Variants in SLC4A5 observed in about 807,000 individuals in gnomAD.
SLC4A5 encodes the protein solute carrier family 4 member 5.
In SLC4A5, 96 loss-of-function variants were observed where a neutral mutation model predicts 120.4. The observed-to-expected ratio is 0.80, with a 90% CI of 0.68 to 0.94. The LOEUF (loss-of-function observed/expected upper bound fraction) is 0.94. SLC4A5 is among the 40% of genes least tolerant of loss of function. The pLI is 0.00. For synonymous variants in SLC4A5, 550 were observed against 571.1 expected (o/e 0.96, Z 0.53); for missense variants, 1,259 against 1,459.5 (o/e 0.86, Z 2.24).
chr2:74,298,151 A>G (rs1203215935), intron 7 of SLC4A5, among the ~76,000 whole-genome samples: 1 of 152,238 alleles, frequency 6.6e-6, no homozygotes, highest in African/African-American at 2.4e-5. Context: ...AATTGAGAAG[A>G]TGTAATTCCA....
chr2:74,274,644 T>C (rs1440934015), intron 8 of SLC4A5, among the ~76,000 whole-genome samples: 1 of 152,162 alleles, frequency 6.6e-6, no homozygotes, highest in Non-Finnish European at 1.5e-5. Context: ...GCTCAGAAAT[T>C]TTATCTTTTT....
chr2:74,227,320 T>A (rs1002549042), intron 26 of SLC4A5, among the ~76,000 whole-genome samples, 190 bp from the exon 27 acceptor site: 2 of 152,138 alleles, frequency 1.3e-5, no homozygotes, highest in Admixed American at 6.5e-5. Flanking sequence ...GAAAGGGTCC[T>A]GAGCCCTGGG....
chr2:74,302,386 G>T (rs1265848892), intron 7 of SLC4A5, among the ~76,000 whole-genome samples: 2 of 152,236 alleles, frequency 1.3e-5, no homozygotes, highest in African/African-American at 4.8e-5. Context: ...GGAGGCTGAA[G>T]CAGGTAGATC....
At chr2:74,275,656 C>T (rs1295137490) in intron 8 of SLC4A5, among the ~76,000 whole-genome samples, 1 of 152,230 alleles carries the variant, frequency 6.6e-6, no homozygotes, top group Non-Finnish European at 1.5e-5. Context: ...TTTCCTCTAA[C>T]TCGCATCACA....
intron 28 of SLC4A5, among the ~76,000 whole-genome samples, chr2:74,224,271 G>T (rs1210357365): frequency 2.0e-5 from 3 of 152,134 alleles, no homozygotes; most frequent in Non-Finnish European, 2.9e-5. Context: ...GAGAAGAGGG[G>T]CAGATGGGGC....
chr2:74,257,903 A>G (rs555481514), intron 12 of SLC4A5, among the ~76,000 whole-genome samples: 2 of 152,288 alleles, frequency 1.3e-5, no homozygotes, highest in South Asian at 4.1e-4. Context: ...AATACAGAAG[A>G]TAAGAGAAAT....
At chr2:74,262,018 T>C (rs1192061163) in intron 11 of SLC4A5, 119 bp downstream of exon 11, 47 of 859,414 alleles carry the variant, frequency 5.5e-5, no homozygotes, top group Non-Finnish European at 7.7e-5. Flanking sequence ...TCCTGATGCA[T>C]GCCCTGAGAA....
At chr2:74,340,516 G>C (rs1673600052) in intron 2 of SLC4A5, among the ~76,000 whole-genome samples, 1 of 152,136 alleles carries the variant, frequency 6.6e-6, no homozygotes, top group Non-Finnish European at 1.5e-5. Flanking sequence ...GATGATGGGT[G>C]GGGGCAGAAG....
chr2:74,263,045 G>C (rs948080597), intron 10 of SLC4A5, among the ~76,000 whole-genome samples: 4 of 152,098 alleles, frequency 2.6e-5, no homozygotes, highest in African/African-American at 9.7e-5. Flanking sequence ...CGTTGTTTTG[G>C]GAGCGATTTT....
intron 30 of SLC4A5, among the ~76,000 whole-genome samples, chr2:74,219,210 TG>T (rs879262175): frequency 0.036 from 4,019 of 112,312 alleles, 86 homozygotes; most frequent in Non-Finnish European, 0.05. Context: ...TGTGTGTGTG[TG>T]TGTGTGTGTT....
chr2:74,225,183 T>C lies in SLC4A5; in HGVS notation c.3091-188A>G, dbSNP rs1471908024. Among the ~76,000 whole-genome samples, 5 of 152,310 alleles carry C rather than the reference T, an allele frequency of 3.3e-5. No homozygotes were observed. In the East Asian group the frequency reaches 9.7e-4, roughly 29 times the overall value. Reference sequence around the variant, plus strand: ...TTTCCCTCCACCGTAGTTCCTCTTGTCTGGCCCCTCAGGTGAGTGACCATG... The same window carrying C: ...TTTCCCTCCACCGTAGTTCCTCTTGCCTGGCCCCTCAGGTGAGTGACCATG... On this transcript the variant is annotated intron_variant, in intron 27 of 30. Transcript: ENST00000394019.
chr2:74,222,183 C>G (rs1353599318), intron 29 of SLC4A5, among the ~76,000 whole-genome samples: 2 of 152,176 alleles, frequency 1.3e-5, no homozygotes, highest in Non-Finnish European at 2.9e-5. Flanking sequence ...GAGCCCTCAA[C>G]CATTTCAACA....
chr2:74,232,121 G>A (rs1240303738), intron 24 of SLC4A5, among the ~76,000 whole-genome samples: 1 of 152,198 alleles, frequency 6.6e-6, no homozygotes, highest in African/African-American at 2.4e-5. Context: ...GGCCATCAGG[G>A]CAGTAGGGGC....
intron 19 of SLC4A5, among the ~76,000 whole-genome samples, chr2:74,244,879 C>T (rs1320613825): frequency 6.6e-6 from 1 of 152,204 alleles, no homozygotes; most frequent in Non-Finnish European, 1.5e-5. Context: ...AATGAGGTGA[C>T]ATCAGGCACC....
intron 7 of SLC4A5, among the ~76,000 whole-genome samples, chr2:74,296,150 G>C (rs557995176): frequency 6.6e-6 from 1 of 152,138 alleles, no homozygotes; most frequent in South Asian, 2.1e-4. Flanking sequence ...TGTTTTTTAG[G>C]AGAACAGCCC....
At chr2:74,296,182 A>G (rs2104222537) in intron 7 of SLC4A5, among the ~76,000 whole-genome samples, 1 of 152,134 alleles carries the variant, frequency 6.6e-6, no homozygotes, top group East Asian at 1.9e-4. Context: ...GAGGGAATGC[A>G]GTATATGTTG....
At chr2:74,239,562 G>C (rs1206504278) in intron 20 of SLC4A5, 27 bp from the exon 21 acceptor site, 1 of 1,609,520 alleles carries the variant, frequency 6.2e-7, no homozygotes, top group Admixed American at 1.7e-5. Flanking sequence ...AGGAGAGAAT[G>C]GGTCAGCATC....
chr2:74,260,262 T>C lies in SLC4A5; in HGVS notation c.812-619A>G, dbSNP rs967425737. 3.3e-5 allele frequency among the ~76,000 whole-genome samples: 5 copies of C among 152,208 alleles called. No homozygotes were observed. The South Asian group carries it at 1.0e-3, about 31-fold the overall frequency. ...CCTCAGACCTATCGTGTCTCGGCTA[T>C]TGGCCTGTGCCACTCCTGGTGTCCA... On this transcript the variant is annotated intron_variant, in intron 11 of 30. Coordinates refer to ENST00000394019, the Ensembl canonical transcript of SLC4A5.
chr2:74,304,546 C>T (rs1175062959), exon 7 of SLC4A5: 1 of 1,614,164 alleles, frequency 6.2e-7, no homozygotes, highest in South Asian at 1.1e-5. Flanking sequence ...CTCCCTGGGC[C>T]AGTCAGTTCC....
Sources: allele counts gnomAD v4.1 joint callset (sites outside exome capture counted in the v4.1 genomes callset), GRCh38; gene constraint gnomAD v4.1.1; transcripts MANE v1.5; gene names NCBI Gene and HGNC (gene_info 2026-07-23, HGNC 2026-07-21).